The following WDR72 variants were observed in gnomAD, a reference collection of about 807,000 sequenced individuals.
The protein encoded by WDR72 is WD repeat-containing protein 72.
WDR72 carries 120 observed loss-of-function variants against 124.2 expected under a neutral mutation model. The observed-to-expected ratio is 0.97, with a 90% CI of 0.83 to 1.12. The LOEUF (loss-of-function observed/expected upper bound fraction) is 1.12. Ranked by LOEUF, WDR72 falls within the 50% of genes most tolerant of loss-of-function variation. The pLI, the probability that WDR72 is intolerant of heterozygous loss-of-function variation, is 0.00. For missense variants in WDR72, 1,387 were observed against 1,278.8 expected, an observed-to-expected ratio of 1.08 and a Z score of -1.29; for synonymous variants, 452 against 441.7, an observed-to-expected ratio of 1.02 and a Z score of -0.29.
chr15:53,531,220 G>T (rs746471895), intron 18 of WDR72, among the ~76,000 whole-genome samples: 7 of 152,012 alleles, frequency 4.6e-5, no homozygotes, highest in Middle Eastern at 3.2e-3. Context: ...TGGTATGTTA[G>T]CTACTTAAAA....
chr15:53,631,256 T>TCCAG (rs1480001245), intron 14 of WDR72, among the ~76,000 whole-genome samples: 1 of 152,164 alleles, frequency 6.6e-6, no homozygotes, highest in Non-Finnish European at 1.5e-5. Flanking sequence ...TCGCTCCTTC[T>TCCAG]CCAGCCACAT....
intron 13 of WDR72, among the ~76,000 whole-genome samples, chr15:53,674,936 A>T (rs1416738127): frequency 6.6e-6 from 1 of 152,100 alleles, no homozygotes; most frequent in Admixed American, 6.5e-5. Context: ...GGCGGGGGAC[A>T]ATTGAAAGAA....
At chr15:53,707,003 T>C (rs977624060) in intron 9 of WDR72, among the ~76,000 whole-genome samples, 2 of 152,184 alleles carry the variant, frequency 1.3e-5, no homozygotes, top group African/African-American at 4.8e-5. Context: ...ATAGCTGTTC[T>C]TCGGGCAGGT....
At chr15:53,596,922 G>GAT (rs1020648027) in intron 18 of WDR72, among the ~76,000 whole-genome samples, 157 bp downstream of exon 18, 5 of 152,142 alleles carry the variant, frequency 3.3e-5, no homozygotes, top group African/African-American at 1.2e-4. Context: ...GGTTTAGCCA[G>GAT]ATATAACCCC....
intron 1 of WDR72, among the ~76,000 whole-genome samples, chr15:53,738,558 A>G (rs187197605): frequency 1.2e-4 from 18 of 152,170 alleles, no homozygotes; most frequent in Non-Finnish European, 1.8e-4. Context: ...TTTTTAGAGA[A>G]AATATAGATC....
At chr15:53,637,300 T>C (rs555082289) in intron 14 of WDR72, among the ~76,000 whole-genome samples, 2 of 152,308 alleles carry the variant, frequency 1.3e-5, no homozygotes, top group Admixed American at 6.5e-5. Flanking sequence ...GAAAAATCCT[T>C]ATTTTGCACA....
At chr15:53,653,615 G>A (rs756976319) in intron 14 of WDR72, among the ~76,000 whole-genome samples, 11 of 152,108 alleles carry the variant, frequency 7.2e-5, no homozygotes, top group African/African-American at 9.7e-5. Flanking sequence ...TTTGATTTGG[G>A]TTTTTATCAC....
rs1390776081 is a variant in WDR72 at position 53,724,410 on chromosome 15, C to T, written c.154-1502G>A. Among the ~76,000 whole-genome samples, 8 of 152,250 alleles carry T rather than the reference C, an allele frequency of 5.3e-5. No homozygotes were observed. The East Asian group carries it at 1.5e-3, about 29-fold the overall frequency. On this transcript the variant is annotated intron_variant, in intron 2 of 19. Transcript: ENST00000360509. Reference sequence around the variant, plus strand: ...AAGAACTACCTGAGACCAAGTAATTCATGAAGAAAAGAGGTTTAACTGACT... The same window carrying T: ...AAGAACTACCTGAGACCAAGTAATTTATGAAGAAAAGAGGTTTAACTGACT...
chr15:53,616,535 C>T (rs1017763110), intron 14 of WDR72, among the ~76,000 whole-genome samples: 3 of 151,724 alleles, frequency 2.0e-5, no homozygotes, highest in African/African-American at 7.3e-5. Context: ...TTAATATAGA[C>T]TCTCATATCT....
At chr15:53,722,726 TA>T in intron 3 of WDR72, 75 bp downstream of exon 3, 2 of 1,329,000 alleles carry the variant, frequency 1.5e-6, no homozygotes, top group Non-Finnish European at 1.1e-6. Context: ...CCTTCAGCCC[TA>T]AAATTGTATT....
chr15:53,517,880 T>A, intron 19 of WDR72, 126 bp from the exon 20 acceptor site: 1 of 886,544 alleles, frequency 1.1e-6, no homozygotes, highest in Admixed American at 2.1e-5. Context: ...AGGGAGAGAA[T>A]GAGGAAAAAA....
At chr15:53,582,722 A>C (rs2011996468) in intron 18 of WDR72, among the ~76,000 whole-genome samples, 1 of 152,030 alleles carries the variant, frequency 6.6e-6, no homozygotes, top group Non-Finnish European at 1.5e-5. Context: ...AATATAAACT[A>C]ACATATATAA....
intron 13 of WDR72, among the ~76,000 whole-genome samples, chr15:53,692,101 G>GTGCAC (rs560229657): frequency 1.3e-4 from 20 of 152,304 alleles, no homozygotes; most frequent in Admixed American, 9.8e-4. Flanking sequence ...GAGAGGTGAA[G>GTGCAC]TGCACTGTGC....
intron 1 of WDR72, among the ~76,000 whole-genome samples, chr15:53,743,140 C>T (rs190384009): frequency 6.6e-6 from 1 of 151,524 alleles, no homozygotes; most frequent in African/African-American, 2.4e-5. Flanking sequence ...GTATATCCTA[C>T]CATTTTCACA....
chr15:53,729,275 T>C (rs763966134), intron 2 of WDR72, among the ~76,000 whole-genome samples: 1 of 152,068 alleles, frequency 6.6e-6, no homozygotes, highest in Admixed American at 6.5e-5. Flanking sequence ...CTTTCTTGAG[T>C]AAATTACAGT....
At chr15:53,639,536 A>T (rs4774670) in intron 14 of WDR72, among the ~76,000 whole-genome samples, 35,692 of 146,444 alleles carry the variant, frequency 0.24, 4,683 homozygotes, top group Admixed American at 0.28. Context: ...TTATAAAATT[A>T]TATATAATTT....
At chr15:53,523,938 A>C (rs996047071) in intron 18 of WDR72, among the ~76,000 whole-genome samples, 1 of 152,092 alleles carries the variant, frequency 6.6e-6, no homozygotes, top group Non-Finnish European at 1.5e-5. Context: ...GATATTGTAG[A>C]ATTATGACCA....
rs1409362479 is a variant in WDR72 at position 53,515,289 on chromosome 15, AAG to A, written c.*2408_*2409del. 6.6e-6 allele frequency: 1 copy of A among 152,078 alleles called. No homozygotes were observed. The highest frequency in any genetic ancestry group is 2.4e-5 in the African/African-American group (1 of 41,428). The allele number at this position is 152,078 out of a possible 1,614,324, so 9.4% of individuals were successfully genotyped here. On this transcript the variant is annotated 3_prime_UTR_variant, in exon 20 of 20. Transcript: ENST00000360509. ...AGGACACCCATATCTCATCAGGAGA[AAG>A]ACAATTTTGAGTTTCTGGGTGTAGT... is the stretch of plus-strand genomic sequence containing the variant.
intron 18 of WDR72, among the ~76,000 whole-genome samples, chr15:53,538,768 A>G (rs996706574): frequency 6.6e-6 from 1 of 152,112 alleles, no homozygotes; most frequent in African/African-American, 2.4e-5. Context: ...CCACCCCTAG[A>G]CACACAGCAG....
Sources: allele counts gnomAD v4.1 joint callset (sites outside exome capture counted in the v4.1 genomes callset), GRCh38; gene constraint gnomAD v4.1.1; transcripts MANE v1.5; gene names NCBI Gene and HGNC (gene_info 2026-07-23, HGNC 2026-07-21).